The following IRAK1 variants were observed in gnomAD, a reference collection of about 807,000 sequenced individuals.
The protein encoded by IRAK1 is interleukin-1 receptor-associated kinase 1.
Under a neutral mutation model 49.8 loss-of-function variants are expected in IRAK1, and 9 were observed. That is an observed-to-expected ratio of 0.18 (90% CI 0.11 to 0.32). The LOEUF (loss-of-function observed/expected upper bound fraction) is 0.32, where lower values mean the gene tolerates loss of function less well. Among genes scored for constraint, IRAK1 ranks in the 10% least tolerant of loss-of-function variants. The pLI is 1.00. For synonymous variants in IRAK1, 282 were observed against 270.8 expected, an observed-to-expected ratio of 1.04 and a Z score of -0.41; for missense variants, 418 against 600.5, an observed-to-expected ratio of 0.70 and a Z score of 3.18.
Position 154,011,598 on chromosome X carries a change from G to A in IRAK1, c.*261C>T. 1 of 445,569 alleles carries A rather than the reference G, an allele frequency of 2.2e-6. No homozygotes were observed. Among genetic ancestry groups the A allele is most frequent in the East Asian group, 4.0e-5 (1 of 24,992 alleles). The allele number at this position is 445,569 out of a possible 1,213,427, so 36.7% of individuals were successfully genotyped here. A position where few individuals can be genotyped will look rare whatever the true frequency, so the allele number is the denominator to read the frequency against. On this transcript the variant is annotated 3_prime_UTR_variant, in exon 14 of 14. Coordinates refer to ENST00000369980, the MANE Select transcript of IRAK1 (RefSeq NM_001569.4). ...CTCCCCTCACGGGTCTGTGCAGCCA[G>A]CAGCCTCCCAACATGCGCCAGCCTC...
At chrX:154,014,372 A>T (rs1436870543) in intron 10 of IRAK1, 94 bp from the exon 11 acceptor site, 34 of 17,366 alleles carry the variant, frequency 2.0e-3, no homozygotes, top group African/African-American at 3.0e-3. Context: ...GGGTTTTGAT[A>T]AAAAAAAAAA....
In IRAK1 at chrX:154,018,773, G is replaced by A; in HGVS notation, c.555C>T (p.Ser185=). The A allele has an allele frequency of 2.4e-6, 2 of 849,101 alleles. No individual in the cohort carries two copies. Among genetic ancestry groups the A allele is most frequent in the Non-Finnish European group, 1.8e-6 (1 of 565,790 alleles). The allele number at this position is 849,101 out of a possible 1,213,427, so 70.0% of individuals were successfully genotyped here. A position where few individuals can be genotyped will look rare whatever the true frequency, so the allele number is the denominator to read the frequency against. ...APSSTKPGPE[S]SVSLLQGARP... ...GGGCTCCCTGCAGGAGGGACACTGA[G>A]CTCTCTGGGCCTGGCTGTGGGAAGA... The change falls in exon 5 of 14, where the codon AGC becomes AGT. Residue 185 remains serine, a synonymous_variant. Coordinates refer to ENST00000369980, the MANE Select transcript of IRAK1 (RefSeq NM_001569.4).
At position 154,013,200 on chromosome X, in the gene IRAK1, G is replaced by A. The variant is rs1569547664; in HGVS notation, c.1773C>T (p.Ser591=). 1 of 1,210,008 alleles carries A rather than the reference G, an allele frequency of 8.3e-7. No individual in the cohort carries two copies. The highest frequency in any genetic ancestry group is 2.2e-5 in the Admixed American group (1 of 46,124). ...GPNQPVESDE[S]LGGLSAALRS... Reference sequence around the variant, plus strand: ...GCAGGGCAGCAGAGAGGCCGCCTAGGCTCTCGTCACTCTCCACGGGCTGGT... The same window carrying A: ...GCAGGGCAGCAGAGAGGCCGCCTAGACTCTCGTCACTCTCCACGGGCTGGT... Residue 591 remains serine, a synonymous_variant, in exon 12 of 14, where the codon AGC becomes AGT. Transcript: ENST00000369980.
intron 13 of IRAK1, among the ~76,000 whole-genome samples, chrX:154,012,138 T>G (rs1416891140): frequency 2.7e-5 from 3 of 112,871 alleles, no homozygotes; most frequent in Non-Finnish European, 5.6e-5. Context: ...CTCCACCTCC[T>G]GGGCTCAAGT....
rs781913014 is a variant in IRAK1, at chrX:154,014,184, G to A, written c.1397C>T (p.Ala466Val). ...LQAGLAADAW[A>V]APIAMQIYKK... is the part of the protein sequence containing the mutation. ...GTAGATCTGCATGGCGATGGGAGCA[G>A]CCCAGGCATCTGCAGCCAGACCTGC... is the stretch of plus-strand genomic sequence containing the variant. The change falls in exon 11 of 14, where the codon GCT becomes GTT. Residue 466 changes from alanine (A) to valine (V), a missense_variant. Physicochemically the swap from Ala to Val is moderately conservative, Grantham distance 64. Coordinates refer to ENST00000369980, the MANE Select transcript of IRAK1 (RefSeq NM_001569.4). 4.1e-6 allele frequency: 5 copies of A among 1,210,133 alleles called. No homozygotes were observed. The South Asian group carries it at 7.0e-5, about 17-fold the overall frequency.
Position 154,013,149 on chromosome X carries a change from G to A in IRAK1, c.1824C>T (p.Cys608=), listed in dbSNP as rs781881384. 25 of 1,209,708 alleles carry A rather than the reference G, an allele frequency of 2.1e-5. No homozygotes were observed. Among genetic ancestry groups the A allele is most frequent in the Non-Finnish European group, 2.8e-5 (25 of 895,166 alleles). ...ALRSWHLTPS[C]PLDPAPLREA... Reference sequence around the variant, plus strand: ...CCCTGAGGGGTGCTGGGTCCAGAGGGCAGCTTGGAGTCAAGTGCCAGGAGC... The same window carrying A: ...CCCTGAGGGGTGCTGGGTCCAGAGGACAGCTTGGAGTCAAGTGCCAGGAGC... The change falls in exon 12 of 14, where the codon TGC becomes TGT. Residue 608 remains cysteine, a synonymous_variant. Coordinates refer to ENST00000369980, the MANE Select transcript of IRAK1 (RefSeq NM_001569.4).
chrX:154,018,859 C>T, intron 4 of IRAK1, 72 bp from the exon 5 acceptor site: 1 of 772,168 alleles, frequency 1.3e-6, no homozygotes, highest in Non-Finnish European at 1.9e-6. Context: ...AGGCTCTCCC[C>T]ACCACAGCTG....
intron 5 of IRAK1, 59 bp downstream of exon 5, chrX:154,018,540 A>G: frequency 1.0e-6 from 1 of 992,629 alleles, no homozygotes; most frequent in Non-Finnish European, 1.4e-6. Flanking sequence ...GAAAGGCTGG[A>G]GAAGTGGTGA....
In IRAK1 at chrX:154,016,105, G is replaced by A. The variant is rs1557129086; in HGVS notation, c.1237-8C>T. 8.4e-7 allele frequency: 1 copy of A among 1,194,775 alleles called. No individual in the cohort carries two copies. ...CAAGGTCTCTAGCACTACCTGGAGA[G>A]AGGGAAGAGGGAGAGCATGGCAGTG... is the stretch of plus-strand genomic sequence containing the variant. On this transcript the variant is annotated splice_polypyrimidine_tract_variant and splice_region_variant and intron_variant, in intron 9 of 13. Transcript: ENST00000369980.
At chrX:154,018,223 G>C in intron 6 of IRAK1, 68 bp downstream of exon 6, 2 of 1,067,935 alleles carry the variant, frequency 1.9e-6, no homozygotes, top group Non-Finnish European at 2.6e-6. Context: ...GTGCCCAAGG[G>C]AGCCAGGTCC....
At chrX:154,012,055 C>T (rs977312836) in intron 13 of IRAK1, 138 bp from the exon 14 acceptor site, 9 of 517,586 alleles carry the variant, frequency 1.7e-5, no homozygotes, top group Non-Finnish European at 1.9e-5. Context: ...TTTGTTTGTT[C>T]ATTTGTTTTT....
chrX:154,017,952 A>G lies in IRAK1; in HGVS notation c.909+54T>C, dbSNP rs2065751653. On this transcript the variant is annotated intron_variant, in intron 7 of 13. Transcript: ENST00000369980. Reference sequence around the variant, plus strand: ...CTAGGCCCCGCGCCCGGCTCCAGCCAGGTGTCAGGAGTGCTTTGGGTCCTG... The same window carrying G: ...CTAGGCCCCGCGCCCGGCTCCAGCCGGGTGTCAGGAGTGCTTTGGGTCCTG... 5.5e-6 allele frequency: 5 copies of G among 912,578 alleles called. No individual in the cohort carries two copies. The East Asian group carries it at 1.5e-4, about 28-fold the overall frequency. The allele number at this position is 912,578 out of a possible 1,213,427, so 75.2% of individuals were successfully genotyped here. A position where few individuals can be genotyped will look rare whatever the true frequency, so the allele number is the denominator to read the frequency against.
chrX:154,014,371 TAAAAAAAAAAA>T (rs146868205), intron 10 of IRAK1, 93 bp from the exon 11 acceptor site: 3 of 530,568 alleles, frequency 5.7e-6, no homozygotes, highest in Non-Finnish European at 8.0e-6. Flanking sequence ...TGGGTTTTGA[TAAAAAAAAAAA>T]AAAAAAAAAA....
chrX:154,017,820 AAAAAAAT>A (rs2065750132), intron 7 of IRAK1, among the ~76,000 whole-genome samples, 179 bp downstream of exon 7: 4 of 100,329 alleles, frequency 4.0e-5, no homozygotes, highest in South Asian at 4.6e-4. Flanking sequence ...AAAAAAAAAA[AAAAAAAT>A]TGACCCCACC....
rs1557127993 is a variant in IRAK1 at position 154,013,150 on chromosome X, C to T, written c.1823G>A (p.Cys608Tyr). 3 of 1,209,760 alleles carry T rather than the reference C, an allele frequency of 2.5e-6. No homozygotes were observed. Among genetic ancestry groups the T allele is most frequent in the Non-Finnish European group, 1.1e-6 (1 of 895,201 alleles). ...ALRSWHLTPS[C>Y]PLDPAPLREA... ...CCTGAGGGGTGCTGGGTCCAGAGGGCAGCTTGGAGTCAAGTGCCAGGAGCG... is the reference window on the plus strand; with the variant it reads ...CCTGAGGGGTGCTGGGTCCAGAGGGTAGCTTGGAGTCAAGTGCCAGGAGCG... Residue 608 changes from cysteine to tyrosine, a missense_variant, in exon 12 of 14, where the codon TGC (cysteine) becomes TAC (tyrosine). Around this residue, in one of 3 missense-constraint regions of IRAK1, gnomAD observed 377 missense variants for 499.5 expected, o/e 0.75. Coordinates refer to ENST00000369980, the MANE Select transcript of IRAK1 (RefSeq NM_001569.4).
At chrX:154,017,827 TTG>T (rs2065750460) in intron 7 of IRAK1, among the ~76,000 whole-genome samples, 177 bp downstream of exon 7, 2 of 44,554 alleles carry the variant, frequency 4.5e-5, no homozygotes, top group Admixed American at 2.3e-4. Context: ...AAAAAAAAAA[TTG>T]ACCCCACCGT....
At chrX:154,012,958 T>C in intron 12 of IRAK1, 85 bp downstream of exon 12, 3 of 1,117,474 alleles carry the variant, frequency 2.7e-6, no homozygotes, top group Non-Finnish European at 3.6e-6. Flanking sequence ...CTGGTTCTCT[T>C]CTAGAAGGCT....
intron 5 of IRAK1, 51 bp from the exon 6 acceptor site, chrX:154,018,406 T>TGAGGCTCTCGAAGCG (rs1429398995): frequency 1.2e-5 from 13 of 1,068,760 alleles, no homozygotes; most frequent in Non-Finnish European, 1.7e-5. Flanking sequence ...ACGGGCAGCG[T>TGAGGCTCTCGAAGCG]GAGGCTCTCG....
chrX:154,016,224 C>T (rs1204269065), intron 9 of IRAK1, 127 bp from the exon 10 acceptor site: 13 of 629,659 alleles, frequency 2.1e-5, no homozygotes, highest in Middle Eastern at 6.1e-4. Flanking sequence ...GACTGAAGCT[C>T]GGGCAACTCG....
Sources: allele counts gnomAD v4.1 joint callset (sites outside exome capture counted in the v4.1 genomes callset), GRCh38; gene constraint gnomAD v4.1.1; regional missense constraint gnomAD v4.1.1; transcripts MANE v1.5; gene names NCBI Gene and HGNC (gene_info 2026-07-23, HGNC 2026-07-21).